TRIM29: variants seen among roughly 807,000 people sequenced by gnomAD.
TRIM29 encodes the protein tripartite motif-containing protein 29.
In TRIM29, 52 loss-of-function variants were observed where a neutral mutation model predicts 57.3. The observed-to-expected ratio is 0.91, with a 90% CI of 0.73 to 1.14. The LOEUF (loss-of-function observed/expected upper bound fraction) is 1.14, where lower values mean the gene tolerates loss of function less well. Among genes scored for constraint, TRIM29 ranks in the 50% most tolerant of loss-of-function variants. TRIM29 has a pLI of 0.00. For synonymous variants in TRIM29, 319 were observed against 316.9 expected, an observed-to-expected ratio of 1.01 and a Z score of -0.07; for missense variants, 753 against 774.6, an observed-to-expected ratio of 0.97 and a Z score of 0.33.
At chr11:120,117,967 G>C (rs1022523810) in intron 7 of TRIM29, 1 of 524,670 alleles carries the variant, frequency 1.9e-6, no homozygotes, top group Admixed American at 3.3e-5. Context: ...TGACCACTGA[G>C]AGCTGTTGTT....
At chr11:120,127,710 G>A (rs1456776851) in intron 2 of TRIM29, 141 bp from the exon 3 acceptor site, 4 of 744,196 alleles carry the variant, frequency 5.4e-6, no homozygotes, top group Non-Finnish European at 8.5e-6. Context: ...ATTTGGCCAA[G>A]AATCTCATTC....
chr11:120,115,261 C>G, intron 8 of TRIM29, 77 bp downstream of exon 8: 1 of 1,450,792 alleles, frequency 6.9e-7, no homozygotes, highest in Non-Finnish European at 9.5e-7. Context: ...GCCCTGGAAC[C>G]GATTGCCTCC....
intron 3 of TRIM29, among the ~76,000 whole-genome samples, chr11:120,126,585 C>T (rs1353785884): frequency 1.3e-5 from 2 of 152,244 alleles, no homozygotes; most frequent in Middle Eastern, 3.4e-3. Context: ...CTCAGTGCTG[C>T]CTTTGCACTT....
chr11:120,133,855 A>G (rs1349786968), intron 1 of TRIM29, among the ~76,000 whole-genome samples: 1 of 152,134 alleles, frequency 6.6e-6, no homozygotes, highest in Non-Finnish European at 1.5e-5. Flanking sequence ...GTGTGAGGCT[A>G]AGCCTCTCCA....
At chr11:120,112,850 G>A (rs546390258) in intron 8 of TRIM29, among the ~76,000 whole-genome samples, 1 of 152,192 alleles carries the variant, frequency 6.6e-6, no homozygotes, top group African/African-American at 2.4e-5. Flanking sequence ...GTCGAGGGCT[G>A]TATGTGGATG....
chr11:120,121,916 G>A (rs1195698838), intron 5 of TRIM29: 2 of 443,076 alleles, frequency 4.5e-6, no homozygotes, highest in African/African-American at 2.0e-5. Context: ...TGCTGGGGCC[G>A]GCACTCCCAG....
chr11:120,125,676 C>T lies in TRIM29; in HGVS notation c.1333+15G>A, dbSNP rs375770089. On this transcript the variant is annotated intron_variant, in intron 4 of 8. Transcript: ENST00000341846. ...GGTCTATGGCCTTGGGGCCCAGCCA[C>T]GAGAGGGGACCTACCGTTCTCCATG... The T allele has an allele frequency of 1.8e-5, 29 of 1,613,784 alleles. No individual in the cohort carries two copies. The East Asian group carries it at 2.2e-4, about 12-fold the overall frequency.
chr11:120,136,028 T>G (rs1302959002), intron 1 of TRIM29, among the ~76,000 whole-genome samples: 3 of 152,186 alleles, frequency 2.0e-5, no homozygotes, highest in Non-Finnish European at 4.4e-5. Context: ...TCCACAAGCC[T>G]GCACTTGCCT....
At position 120,127,015 on chromosome 11, in the gene TRIM29, A is replaced by G. The variant is rs1214779392; in HGVS notation, c.1134+321T>C. ...AGCACTCCTACACCACTCCCCCTCT[A>G]CCCGATTCACTGATCTCACAACTCT... is the stretch of plus-strand genomic sequence containing the variant. On this transcript the variant is annotated intron_variant, in intron 3 of 8. Coordinates refer to ENST00000341846, the MANE Select transcript of TRIM29 (RefSeq NM_012101.4). Among the ~76,000 whole-genome samples the G allele has an allele frequency of 3.3e-5, 5 of 152,046 alleles. No homozygotes were observed. In the East Asian group the frequency reaches 9.6e-4, roughly 29 times the overall value.
intron 1 of TRIM29, 92 bp from the exon 2 acceptor site, chr11:120,128,587 T>C (rs1424444007): frequency 6.0e-6 from 9 of 1,510,102 alleles, no homozygotes; most frequent in Admixed American, 5.8e-5. Context: ...GGGGGCACAC[T>C]CGCAGCCAGG....
Position 120,127,346 on chromosome 11 carries a change from A to C in TRIM29, c.1124T>G (p.Leu375Trp). 6.2e-7 allele frequency: 1 copy of C among 1,614,052 alleles called. No homozygotes were observed. The highest frequency in any genetic ancestry group is 1.1e-5 in the South Asian group (1 of 91,072). ...GGAGTGGCTTGTTACCTGCAGAAAC[A>C]ACACAGAGTCGCTGATGCTATGCAG... Reference protein sequence around the residue: ...EQLHSISDSVLFLQEFGALMS... With the variant: ...EQLHSISDSVWFLQEFGALMS... The change falls in exon 3 of 9, where the codon TTG becomes TGG. Residue 375 changes from leucine (L) to tryptophan (W), a missense_variant. Leu to Trp is a moderately conservative substitution (Grantham distance 61). Transcript: ENST00000341846.
intron 4 of TRIM29, chr11:120,125,294 G>C (rs927917262): frequency 1.6e-5 from 4 of 250,578 alleles, no homozygotes; most frequent in Non-Finnish European, 3.1e-5. Flanking sequence ...ACGTCTGCTA[G>C]AGTCTGCAAA....
Position 120,137,137 on chromosome 11 carries a change from C to T in TRIM29, c.804+91G>A. On this transcript the variant is annotated intron_variant, in intron 1 of 8. Transcript: ENST00000341846. This position sits in a 1 kb window ranked among gnomAD's most constrained non-coding sequence, Gnocchi z 6.2. ...GGACAGTAGAAACTTAAGCCCCAAA[C>T]CCGAGGAAGCCCGAGTGGAGAAGAT... 1 of 1,435,436 alleles carries T rather than the reference C, an allele frequency of 7.0e-7. No individual in the cohort carries two copies. Among genetic ancestry groups the T allele is most frequent in the Non-Finnish European group, 9.5e-7 (1 of 1,049,548 alleles). The allele number at this position is 1,435,436 out of a possible 1,614,324, so 88.9% of individuals were successfully genotyped here. A position where few individuals can be genotyped will look rare whatever the true frequency, so the allele number is the denominator to read the frequency against.
intron 4 of TRIM29, chr11:120,123,565 C>T (rs904212327): frequency 2.4e-6 from 1 of 412,550 alleles, no homozygotes; most frequent in East Asian, 7.1e-5. Flanking sequence ...CCAGTGTTGG[C>T]CTCCATGGCC....
intron 7 of TRIM29, chr11:120,116,943 G>A (rs979968870): frequency 2.5e-6 from 1 of 393,428 alleles, no homozygotes; most frequent in South Asian, 1.9e-5. Flanking sequence ...GGGAGGGATG[G>A]AAAATGGGCA....
At chr11:120,118,363 A>C (rs1194003930) in intron 6 of TRIM29, 42 bp from the exon 7 acceptor site, 1 of 1,515,690 alleles carries the variant, frequency 6.6e-7, no homozygotes, top group Non-Finnish European at 9.1e-7. Flanking sequence ...CACAGCTGGG[A>C]GTGGGAGAGG....
chr11:120,121,230 C>T (rs1349093120), intron 5 of TRIM29: 1 of 247,264 alleles, frequency 4.0e-6, no homozygotes, highest in Admixed American at 5.1e-5. Context: ...CCCTGCCAGT[C>T]CTTCCTGTAA....
chr11:120,111,665 T>G lies in TRIM29; in HGVS notation c.*749A>C. 1 of 152,268 alleles carries G rather than the reference T, an allele frequency of 6.6e-6. No homozygotes were observed. The highest frequency in any genetic ancestry group is 1.5e-5 in the Non-Finnish European group (1 of 68,034). 9.4% of individuals were successfully genotyped at this position (152,268 alleles called of 1,614,324 possible). On this transcript the variant is annotated 3_prime_UTR_variant, in exon 9 of 9. Coordinates refer to ENST00000341846, the MANE Select transcript of TRIM29 (RefSeq NM_012101.4). ...GCCAGTAGCTATTTGCATGGGTGGA[T>G]TATATCATGTTAAGGGAATTCTTTA...
chr11:120,133,030 T>C (rs1408562043), intron 1 of TRIM29, among the ~76,000 whole-genome samples: 1 of 152,142 alleles, frequency 6.6e-6, no homozygotes, highest in Non-Finnish European at 1.5e-5. Flanking sequence ...ACCTTGCAGA[T>C]GGGGACGCAG....
Sources: allele counts gnomAD v4.1 joint callset (sites outside exome capture counted in the v4.1 genomes callset), GRCh38; gene constraint gnomAD v4.1.1; non-coding constraint Gnocchi (gnomAD v3.1); transcripts MANE v1.5; gene names NCBI Gene and HGNC (gene_info 2026-07-23, HGNC 2026-07-21).